TUSC3: variants seen among roughly 807,000 people sequenced by gnomAD.
TUSC3 encodes the protein tumor suppressor candidate 3.
In TUSC3, 45 loss-of-function variants were observed where a neutral mutation model predicts 44.8. The ratio of observed to expected loss-of-function variants is 1.00; its 90% CI spans 0.79 to 1.29. The LOEUF (loss-of-function observed/expected upper bound fraction) is 1.29, where lower values mean the gene tolerates loss of function less well. Among genes scored for constraint, TUSC3 ranks in the 50% most tolerant of loss-of-function variants. TUSC3 has a pLI of 0.00. For missense variants in TUSC3, 519 were observed against 437.9 expected (o/e 1.19, Z -1.65); for synonymous variants, 212 against 152.9 (o/e 1.39, Z -2.85).
the TUSC3 span, chr8:15,806,588 G>A: frequency 1.4e-6 from 2 of 1,471,470 alleles, no homozygotes; most frequent in South Asian, 1.1e-5. Context: ...ACTATCACAT[G>A]CAAGGATAAT....
chr8:15,481,077 G>T (rs905016983), intron 1 of TUSC3, among the ~76,000 whole-genome samples: 2 of 151,904 alleles, frequency 1.3e-5, no homozygotes, highest in South Asian at 2.1e-4. Context: ...GAGAAACCCT[G>T]TCTCTACTAA....
At chr8:15,449,330 T>C (rs1800162298) in intron 1 of TUSC3, among the ~76,000 whole-genome samples, 1 of 152,146 alleles carries the variant, frequency 6.6e-6, no homozygotes, top group South Asian at 2.1e-4. Flanking sequence ...AAAATGGCCG[T>C]GTTAGCATGG....
intron 8 of TUSC3, among the ~76,000 whole-genome samples, chr8:15,743,944 G>A (rs1018686787): frequency 6.6e-6 from 1 of 152,118 alleles, no homozygotes; most frequent in Non-Finnish European, 1.5e-5. Flanking sequence ...TGAGGGCAGA[G>A]TCTTCAGAGA....
chr8:15,769,633 C>T (rs1160323762), downstream of TUSC3, among the ~76,000 whole-genome samples: 3 of 152,028 alleles, frequency 2.0e-5, no homozygotes, highest in East Asian at 5.8e-4. Context: ...ATGATTAGAG[C>T]AAACAGACAA....
At chr8:15,728,796 A>T (rs1810599815) in intron 6 of TUSC3, among the ~76,000 whole-genome samples, 1 of 152,168 alleles carries the variant, frequency 6.6e-6, no homozygotes, top group African/African-American at 2.4e-5. Flanking sequence ...GAGCTCTGAG[A>T]TACTCCAGAG....
intron 2 of TUSC3, among the ~76,000 whole-genome samples, chr8:15,500,857 T>G (rs1468226402): frequency 6.6e-6 from 1 of 152,202 alleles, no homozygotes; most frequent in Non-Finnish European, 1.5e-5. Flanking sequence ...TCAGTTTTCT[T>G]TCTTTCAACT....
At chr8:15,717,094 A>G (rs1200027521) in intron 6 of TUSC3, among the ~76,000 whole-genome samples, 2 of 152,110 alleles carry the variant, frequency 1.3e-5, no homozygotes, top group Non-Finnish European at 2.9e-5. Context: ...TGGACTTACG[A>G]CTTGAAAACA....
At chr8:15,637,160 T>C (rs1164082368) in intron 2 of TUSC3, among the ~76,000 whole-genome samples, 1 of 152,176 alleles carries the variant, frequency 6.6e-6, no homozygotes, top group Non-Finnish European at 1.5e-5. Flanking sequence ...TTCTATTTCA[T>C]TGTTTTGTTT....
chr8:15,555,456 C>T (rs1291517926), intron 1 of TUSC3, among the ~76,000 whole-genome samples: 1 of 150,824 alleles, frequency 6.6e-6, no homozygotes, highest in African/African-American at 2.4e-5. Flanking sequence ...GCCACCATGC[C>T]TAGCTAGTTT....
At chr8:15,513,171 A>G (rs1360986657) in intron 2 of TUSC3, among the ~76,000 whole-genome samples, 1 of 151,844 alleles carries the variant, frequency 6.6e-6, no homozygotes, top group Non-Finnish European at 1.5e-5. Flanking sequence ...AAAATTGATT[A>G]TGATAAATAT....
chr8:15,762,639 A>G (rs1346128305), intron 10 of TUSC3, among the ~76,000 whole-genome samples: 1 of 152,172 alleles, frequency 6.6e-6, no homozygotes, highest in Non-Finnish European at 1.5e-5. Flanking sequence ...ACAAAAAGCT[A>G]CAAATCCCTA....
intron 2 of TUSC3, among the ~76,000 whole-genome samples, chr8:15,634,417 C>T (rs1388385417): frequency 6.6e-6 from 1 of 152,192 alleles, no homozygotes; most frequent in African/African-American, 2.4e-5. Context: ...ATCCCTTGTT[C>T]TCTCCTAAGA....
At chr8:15,791,555 C>T in the TUSC3 span, among the ~76,000 whole-genome samples, 4 of 152,076 alleles carry the variant, frequency 2.6e-5, no homozygotes, top group Admixed American at 1.3e-4. Flanking sequence ...AGATACTGCT[C>T]CATCATTGGC....
At position 15,558,650 on chromosome 8, in the gene TUSC3, T is replaced by G. The variant is rs867210086; in HGVS notation, c.138+18082T>G. On this transcript the variant is annotated intron_variant, in intron 1 of 10. Transcript: ENST00000503731. Reference sequence around the variant, plus strand: ...CCATCTGGTGCTGGACTCTTTTTGGTTGGTAAGCTATTGATTATTGCCACA... The same window carrying G: ...CCATCTGGTGCTGGACTCTTTTTGGGTGGTAAGCTATTGATTATTGCCACA... 1.7e-5 allele frequency among the ~76,000 whole-genome samples: 2 copies of G among 116,348 alleles called. 1 individual carries two copies. The highest frequency in any genetic ancestry group is 3.7e-5 in the Non-Finnish European group (2 of 53,586). 76.3% of individuals were successfully genotyped at this position (116,348 alleles called of 152,430 possible). A position where few individuals can be genotyped will look rare whatever the true frequency, so the allele number is the denominator to read the frequency against.
chr8:15,793,177 C>A, the TUSC3 span, among the ~76,000 whole-genome samples: 1 of 152,082 alleles, frequency 6.6e-6, no homozygotes, highest in Non-Finnish European at 1.5e-5. Flanking sequence ...ATATGCTCTC[C>A]TGTCTCTCTC....
intron 1 of TUSC3, among the ~76,000 whole-genome samples, chr8:15,544,829 T>C (rs1213498176): frequency 6.6e-6 from 1 of 151,848 alleles, no homozygotes; most frequent in African/African-American, 2.4e-5. Flanking sequence ...GCAATGTGAT[T>C]TCACTTAGGT....
chr8:15,624,504 A>G (rs1296086475), intron 2 of TUSC3, among the ~76,000 whole-genome samples: 1 of 152,190 alleles, frequency 6.6e-6, no homozygotes, highest in African/African-American at 2.4e-5. Flanking sequence ...AGCCATTCTG[A>G]TAGATACTGT....
Position 15,540,566 on chromosome 8 carries a change from G to T in TUSC3, c.136G>T (p.Glu46Ter). 6.3e-7 allele frequency: 1 copy of T among 1,581,998 alleles called. No homozygotes were observed. Among genetic ancestry groups the T allele is most frequent in the Non-Finnish European group, 8.6e-7 (1 of 1,164,486 alleles). The change falls in exon 1 of 11, where the codon GAG becomes TAG. Residue 46 changes from glutamate to a stop codon, truncating the protein, a stop_gained and splice_region_variant. Coordinates refer to ENST00000503731, the MANE Select transcript of TUSC3 (RefSeq NM_006765.4). LOFTEE classifies it high-confidence loss of function. ...GCTCGGGGGAGGACAGAAGAAAAAG[G>T]AGGTAGAATGGATCCCCTTGGCCTT... Reference protein sequence around the residue: ...IQLGGGQKKKENLLAEKVEQL... With the variant: ...IQLGGGQKKK
At chr8:15,758,199 G>A in intron 10 of TUSC3, 2 of 1,022,088 alleles carry the variant, frequency 2.0e-6, no homozygotes, top group South Asian at 4.1e-5. Flanking sequence ...TAGGAAAAAT[G>A]TAGCCAAATC....
Sources: allele counts gnomAD v4.1 joint callset (sites outside exome capture counted in the v4.1 genomes callset), GRCh38; gene constraint gnomAD v4.1.1; transcripts MANE v1.5; gene names NCBI Gene and HGNC (gene_info 2026-07-23, HGNC 2026-07-21).